CNTN5: variants seen among roughly 807,000 people sequenced by gnomAD.
The protein encoded by CNTN5 is contactin 5.
A neutral mutation model predicts 129.1 loss-of-function variants in CNTN5; 77 were observed. The ratio of observed to expected loss-of-function variants is 0.60; its 90% confidence interval spans 0.50 to 0.72. The LOEUF (loss-of-function observed/expected upper bound fraction) is 0.72, where lower values mean the gene tolerates loss of function less well. CNTN5 is among the 30% of genes least tolerant of loss of function. The pLI is 0.00. For missense variants in CNTN5, 1,478 were observed against 1,328.8 expected (o/e 1.11, Z -1.75); for synonymous variants, 509 against 465.6 (o/e 1.09, Z -1.20).
At chr11:99,658,011 A>G (rs886959478) in intron 3 of CNTN5, among the ~76,000 whole-genome samples, 6 of 152,040 alleles carry the variant, frequency 3.9e-5, no homozygotes, top group African/African-American at 1.4e-4. Flanking sequence ...AAGTTCTTAA[A>G]ATTTATATTT....
intron 3 of CNTN5, among the ~76,000 whole-genome samples, chr11:99,597,615 T>A (rs1221860894): frequency 6.6e-6 from 1 of 152,138 alleles, no homozygotes; most frequent in Non-Finnish European, 1.5e-5. Context: ...ACTGGTTATA[T>A]CTAGCTGTTT....
At chr11:100,034,600 G>T (rs1486303316) in intron 9 of CNTN5, among the ~76,000 whole-genome samples, 2 of 152,138 alleles carry the variant, frequency 1.3e-5, no homozygotes, top group Non-Finnish European at 2.9e-5. Context: ...GTGCACCATG[G>T]ACTGGTCACC....
chr11:99,782,433 C>A (rs1438003098), intron 3 of CNTN5, among the ~76,000 whole-genome samples: 2 of 150,322 alleles, frequency 1.3e-5, no homozygotes, highest in African/African-American at 4.9e-5. Flanking sequence ...ATGCCATCCC[C>A]ATCAAGCTAC....
chr11:99,392,913 T>A (rs1591617768), intron 2 of CNTN5, among the ~76,000 whole-genome samples: 1 of 151,860 alleles, frequency 6.6e-6, no homozygotes, highest in Non-Finnish European at 1.5e-5. Context: ...TATATTCAAT[T>A]CACTATAAAA....
chr11:99,397,823 T>C (rs747094260), intron 2 of CNTN5, among the ~76,000 whole-genome samples: 9 of 151,808 alleles, frequency 5.9e-5, no homozygotes, highest in Non-Finnish European at 1.3e-4. Flanking sequence ...TATCAGAAAA[T>C]GGTATTAGAA....
chr11:99,775,867 A>C (rs1273536686), intron 3 of CNTN5, among the ~76,000 whole-genome samples: 2 of 152,062 alleles, frequency 1.3e-5, no homozygotes, highest in African/African-American at 4.8e-5. Context: ...AAGGAAAAGA[A>C]AAACTCCTTA....
chr11:99,652,811 C>G (rs948232090), intron 3 of CNTN5, among the ~76,000 whole-genome samples: 4 of 151,932 alleles, frequency 2.6e-5, no homozygotes, highest in Non-Finnish European at 5.9e-5. Flanking sequence ...CAGTAATATA[C>G]TGAATATGTG....
chr11:99,460,657 C>T (rs766672067), intron 2 of CNTN5, among the ~76,000 whole-genome samples: 10 of 151,876 alleles, frequency 6.6e-5, no homozygotes, highest in Admixed American at 2.0e-4. Context: ...TACCCTCCTG[C>T]CTAAAGCGAT....
intron 1 of CNTN5, among the ~76,000 whole-genome samples, chr11:99,276,520 T>G (rs893050536): frequency 3.3e-5 from 5 of 151,598 alleles, no homozygotes; most frequent in African/African-American, 1.2e-4. Flanking sequence ...CTGGGCAAAC[T>G]ACTTTTCTCA....
At chr11:99,396,192 ATTTG>A (rs1387909592) in intron 2 of CNTN5, among the ~76,000 whole-genome samples, 3 of 144,550 alleles carry the variant, frequency 2.1e-5, no homozygotes, top group East Asian at 2.0e-4. Context: ...TGTTTTTTTC[ATTTG>A]TTTGTGTCAA....
intron 1 of CNTN5, among the ~76,000 whole-genome samples, chr11:99,184,393 A>G (rs1186964273): frequency 6.6e-6 from 1 of 151,972 alleles, no homozygotes; most frequent in Non-Finnish European, 1.5e-5. Context: ...TCACCACTTA[A>G]CTTGGCAAAT....
rs552937229 is a variant in CNTN5 at position 99,434,586 on chromosome 11, A to G, written c.-71+109102A>G. Among the ~76,000 whole-genome samples, 21 of 152,314 alleles carry G rather than the reference A, an allele frequency of 1.4e-4. No homozygotes were observed. The South Asian group carries it at 4.3e-3, about 32-fold the overall frequency. ...TTTGAAGTCTGTGTTAAGCAATAACATACGGCAAGTTTATTCCAACGTAGG... is the reference window on the plus strand; with the variant it reads ...TTTGAAGTCTGTGTTAAGCAATAACGTACGGCAAGTTTATTCCAACGTAGG... On this transcript the variant is annotated intron_variant, in intron 2 of 24. Coordinates refer to ENST00000524871, the MANE Select transcript of CNTN5 (RefSeq NM_014361.4).
intron 1 of CNTN5, among the ~76,000 whole-genome samples, chr11:99,309,929 A>G (rs1309926046): frequency 1.3e-5 from 2 of 152,190 alleles, no homozygotes; most frequent in African/African-American, 4.8e-5. Flanking sequence ...ATGGAAAATA[A>G]AAAGGAGTCC....
intron 23 of CNTN5, among the ~76,000 whole-genome samples, chr11:100,349,473 T>C (rs1952357061): frequency 1.3e-5 from 2 of 151,868 alleles, no homozygotes; most frequent in Non-Finnish European, 2.9e-5. Flanking sequence ...TACAGGCGCT[T>C]TCTCATTTTA....
intron 3 of CNTN5, among the ~76,000 whole-genome samples, chr11:99,579,148 C>A (rs1053717332): frequency 1.5e-4 from 23 of 152,090 alleles, no homozygotes; most frequent in Non-Finnish European, 2.2e-4. Flanking sequence ...TGTAGATATG[C>A]GGCATTATTT....
intron 3 of CNTN5, among the ~76,000 whole-genome samples, chr11:99,580,622 G>A (rs964186388): frequency 2.6e-5 from 4 of 152,172 alleles, no homozygotes; most frequent in Non-Finnish European, 5.9e-5. Context: ...TTGCGTAGAC[G>A]TGTTTATAGT....
chr11:99,797,130 C>T (rs928832159), intron 3 of CNTN5, among the ~76,000 whole-genome samples: 3 of 152,126 alleles, frequency 2.0e-5, no homozygotes, highest in Non-Finnish European at 4.4e-5. Flanking sequence ...CACTGTATCA[C>T]ATTTCTTAAT....
chr11:99,049,666 A>G (rs1864348654), intron 1 of CNTN5: 1 of 152,144 alleles, frequency 6.6e-6, no homozygotes, highest in African/African-American at 2.4e-5. Flanking sequence ...GAGAAGTTCA[A>G]GTACTCCAGT....
chr11:100,245,402 G>A (rs568138753), intron 16 of CNTN5, among the ~76,000 whole-genome samples: 12 of 152,198 alleles, frequency 7.9e-5, no homozygotes, highest in African/African-American at 2.4e-4. Context: ...GAAGATTGCC[G>A]TGATCTGATT....
Sources: gnomAD v4.1 joint callset for allele counts (sites outside exome capture counted in the v4.1 genomes callset) on GRCh38, gnomAD v4.1.1 for gene constraint, MANE v1.5 for transcripts, NCBI Gene and HGNC (gene_info 2026-07-23, HGNC 2026-07-21) for gene names.